Variants in HS6ST1 observed in about 807,000 individuals in gnomAD.
HS6ST1 encodes the protein heparan sulfate 6-O-sulfotransferase 1.
In HS6ST1, 3 loss-of-function variants were observed where a neutral mutation model predicts 25.2. The observed-to-expected ratio is 0.12, with a 90% confidence interval of 0.05 to 0.31. HS6ST1 has a LOEUF of 0.31. Ranked by LOEUF, HS6ST1 falls within the 10% of genes least tolerant of loss-of-function variation. HS6ST1 has a pLI of 1.00. For synonymous variants in HS6ST1, 204 were observed against 275.1 expected, an observed-to-expected ratio of 0.74 and a Z score of 2.56; for missense variants, 310 against 609.6, an observed-to-expected ratio of 0.51 and a Z score of 5.18.
chr2:128,301,636 A>G (rs1200899091), intron 1 of HS6ST1, among the ~76,000 whole-genome samples: 1 of 152,208 alleles, frequency 6.6e-6, no homozygotes, highest in East Asian at 1.9e-4. Context: ...AGCATGAGCT[A>G]CTGCTGGGGA....
chr2:128,276,563 T>G (rs1693698546), intron 1 of HS6ST1, among the ~76,000 whole-genome samples: 1 of 152,196 alleles, frequency 6.6e-6, no homozygotes, highest in Non-Finnish European at 1.5e-5. Flanking sequence ...TCCTCGTGCC[T>G]CCGGTGAGCA....
intron 1 of HS6ST1, among the ~76,000 whole-genome samples, chr2:128,314,434 C>T (rs1414272902): frequency 2.0e-5 from 3 of 152,110 alleles, no homozygotes; most frequent in Non-Finnish European, 2.9e-5. Context: ...GGACAGCAGT[C>T]GAGGCGCCTA....
chr2:128,275,925 C>T (rs978780094), intron 1 of HS6ST1, among the ~76,000 whole-genome samples: 26 of 152,154 alleles, frequency 1.7e-4, no homozygotes, highest in African/African-American at 6.0e-4. Flanking sequence ...ATGCCCACCA[C>T]GGTGGCGTGC....
chr2:128,290,817 CAAAAAAAAAAA>C (rs57754041), intron 1 of HS6ST1, among the ~76,000 whole-genome samples: 3 of 60,544 alleles, frequency 5.0e-5, no homozygotes, highest in African/African-American at 2.1e-4. Flanking sequence ...ACTAAAAATA[CAAAAAAAAAAA>C]AAAAAAAAAA....
chr2:128,315,557 G>C (rs1365797706), intron 1 of HS6ST1, among the ~76,000 whole-genome samples: 1 of 152,216 alleles, frequency 6.6e-6, no homozygotes, highest in African/African-American at 2.4e-5. Flanking sequence ...CATCGCAGGA[G>C]GGCCAGGGTG....
At chr2:128,316,578 T>C (rs1230631029) in intron 1 of HS6ST1, among the ~76,000 whole-genome samples, 3 of 152,102 alleles carry the variant, frequency 2.0e-5, no homozygotes, top group African/African-American at 7.2e-5. Context: ...GCAGACTAAG[T>C]GCTGGGCCGG....
intron 1 of HS6ST1, among the ~76,000 whole-genome samples, chr2:128,293,962 G>C (rs975478905): frequency 1.3e-5 from 2 of 152,192 alleles, no homozygotes; most frequent in African/African-American, 4.8e-5. Context: ...CACAGGTTGG[G>C]GGTCCATGCT....
intron 1 of HS6ST1, among the ~76,000 whole-genome samples, chr2:128,270,173 A>G (rs2104910019): frequency 6.6e-6 from 1 of 152,336 alleles, no homozygotes; most frequent in African/African-American, 2.4e-5. Flanking sequence ...AGGAAGGGAC[A>G]GGCAGCTGTC....
chr2:128,283,976 G>T (rs183601378), intron 1 of HS6ST1, among the ~76,000 whole-genome samples: 1 of 152,312 alleles, frequency 6.6e-6, no homozygotes, highest in Non-Finnish European at 1.5e-5. Context: ...AGAAATGGAG[G>T]CTGGGTGGCC....
intron 1 of HS6ST1, among the ~76,000 whole-genome samples, chr2:128,272,443 C>A (rs180759475): frequency 1.3e-5 from 2 of 152,184 alleles, no homozygotes; most frequent in East Asian, 1.9e-4. Context: ...CACAGTGGGC[C>A]GGCTCTAGTA....
At chr2:128,313,940 TA>T (rs59138336) in intron 1 of HS6ST1, among the ~76,000 whole-genome samples, 3,978 of 137,594 alleles carry the variant, frequency 0.029, 119 homozygotes, top group African/African-American at 0.081. Flanking sequence ...TGTGTTTGCT[TA>T]AAAAAAAAAA....
rs151297171 is a variant in HS6ST1, at chr2:128,301,323, C to A, written c.527+16714G>T. 2.4e-3 allele frequency among the ~76,000 whole-genome samples: 363 copies of A among 152,082 alleles called. 1 individual carries two copies. Among genetic ancestry groups the A allele is most frequent in the African/African-American group, 8.1e-3 (338 of 41,486 alleles). On this transcript the variant is annotated intron_variant, in intron 1 of 1. Transcript: ENST00000259241. ...ATCCCCAGGGGCTGCATGGCTCCTG[C>A]GCCCTGTGTGTCAGGCAGGGGTTCC...
chr2:128,296,212 G>A (rs1296384947), intron 1 of HS6ST1, among the ~76,000 whole-genome samples: 2 of 152,144 alleles, frequency 1.3e-5, no homozygotes, highest in African/African-American at 4.8e-5. Flanking sequence ...TGTAATAGAG[G>A]CTGAGCTAAG....
chr2:128,269,871 C>T (rs1406049608), intron 1 of HS6ST1, among the ~76,000 whole-genome samples: 1 of 152,234 alleles, frequency 6.6e-6, no homozygotes, highest in Non-Finnish European at 1.5e-5. Context: ...CACTGCTCCC[C>T]TCCTCCCCTC....
intron 1 of HS6ST1, among the ~76,000 whole-genome samples, chr2:128,304,717 G>T (rs951452804): frequency 6.6e-6 from 1 of 152,240 alleles, no homozygotes; most frequent in Non-Finnish European, 1.5e-5. Context: ...AGAGAACAGG[G>T]ACAGTGACAC....
chr2:128,268,491 G>C lies in HS6ST1; in HGVS notation c.907C>G (p.Leu303Val), dbSNP rs1487952548. ...LTEFQRKTQY[L>V]FERTFNLKFI... ...TTGAGGTTGAACGTCCGCTCGAACA[G>C]GTACTGCGTCTTGCGCTGGAACTCG... Residue 303 changes from leucine to valine, a missense_variant, in exon 2 of 2, where the codon CTG becomes GTG. Transcript: ENST00000259241. 2 of 1,612,628 alleles carry C rather than the reference G, an allele frequency of 1.2e-6. No individual in the cohort carries two copies. The highest frequency in any genetic ancestry group is 1.7e-6 in the Non-Finnish European group (2 of 1,179,500).
chr2:128,269,385 G>A (rs1048863062), intron 1 of HS6ST1, among the ~76,000 whole-genome samples: 4 of 152,200 alleles, frequency 2.6e-5, no homozygotes, highest in African/African-American at 7.2e-5. Flanking sequence ...GGACCCCAGA[G>A]GAAGCCATGA....
At chr2:128,315,486 G>A (rs997827643) in intron 1 of HS6ST1, among the ~76,000 whole-genome samples, 7 of 152,194 alleles carry the variant, frequency 4.6e-5, no homozygotes, top group Admixed American at 4.6e-4. Context: ...AGAGATAGAA[G>A]GAAAAGAGGG....
intron 1 of HS6ST1, 51 bp from the exon 2 acceptor site, chr2:128,268,921 G>T (rs1176646944): frequency 1.4e-6 from 2 of 1,471,826 alleles, no homozygotes; most frequent in African/African-American, 1.4e-5. Flanking sequence ...GCATGAGGGG[G>T]GCTACCAGGG....
Sources: allele counts gnomAD v4.1 joint callset (sites outside exome capture counted in the v4.1 genomes callset), GRCh38; gene constraint gnomAD v4.1.1; transcripts MANE v1.5; gene names NCBI Gene and HGNC (gene_info 2026-07-23, HGNC 2026-07-21).